MAP3K20: variants seen among roughly 807,000 people sequenced by gnomAD.
MAP3K20 encodes HCCS-4.
In MAP3K20, 40 loss-of-function variants were observed where a neutral mutation model predicts 85.7. That is an observed-to-expected ratio of 0.47 (90% CI 0.36 to 0.61). The LOEUF (loss-of-function observed/expected upper bound fraction) is 0.61, where lower values mean the gene tolerates loss of function less well. Among genes scored for constraint, MAP3K20 ranks in the 20% least tolerant of loss-of-function variants. The probability of loss-of-function intolerance (pLI) is 0.00; values close to 1 mark genes in which losing one functional copy is unlikely to be tolerated. For synonymous variants in MAP3K20, 325 were observed against 327.7 expected, an observed-to-expected ratio of 0.99 and a Z score of 0.09; for missense variants, 817 against 961.7, an observed-to-expected ratio of 0.85 and a Z score of 1.99.
Position 173,198,087 on chromosome 2 carries a change from C to T in MAP3K20, c.644C>T (p.Ala215Val). The change falls in exon 8 of 20, where the codon GCT becomes GTT. Residue 215 changes from alanine to valine, a missense_variant. Physicochemically the swap from Ala to Val is moderately conservative, Grantham distance 64. This residue lies in a region of MAP3K20 where 200 missense variants were observed against 302.7 expected (regional missense o/e 0.66). Transcript: ENST00000375213. This position sits in a 1 kb window ranked among gnomAD's most constrained non-coding sequence, Gnocchi z 5.8. ...PFKGLEGLQV[A>V]WLVVEKNERL... ...AAAGGTTTGGAAGGATTACAAGTAGCTTGGCTTGTAGTGGAAAAAAACGAG... is the reference window on the plus strand; with the variant it reads ...AAAGGTTTGGAAGGATTACAAGTAGTTTGGCTTGTAGTGGAAAAAAACGAG... 6.2e-7 allele frequency: 1 copy of T among 1,613,006 alleles called. No individual in the cohort carries two copies. The highest frequency in any genetic ancestry group is 8.5e-7 in the Non-Finnish European group (1 of 1,179,320).
chr2:173,209,929 C>T, intron 10 of MAP3K20, 94 bp downstream of exon 10: 2 of 1,130,992 alleles, frequency 1.8e-6, no homozygotes, highest in Non-Finnish European at 2.7e-6. Flanking sequence ...AATGACAGTC[C>T]TGATTTCTGA....
rs1212264174 is a variant in MAP3K20 at position 173,075,871 on chromosome 2, G to C, written c.-166G>C. On this transcript the variant is annotated 5_prime_UTR_variant, in exon 1 of 20. Coordinates refer to ENST00000375213, the MANE Select transcript of MAP3K20 (RefSeq NM_016653.3). The stretch of plus-strand genomic sequence containing the variant: ...CTCATTGGCGCCGTGCAGAGAGGCG[G>C]AATGTTCAACTCCTAACTGCAGCGG... The C allele has an allele frequency of 8.7e-5, 86 of 985,124 alleles. No homozygotes were observed. The highest frequency in any genetic ancestry group is 1.2e-4 in the Admixed American group (2 of 16,258). 61.0% of individuals were successfully genotyped at this position (985,124 alleles called of 1,614,324 possible). A position where few individuals can be genotyped will look rare whatever the true frequency, so the allele number is the denominator to read the frequency against.
intron 19 of MAP3K20, among the ~76,000 whole-genome samples, chr2:173,265,224 TAGCTGAGGA>T (rs1474471146): frequency 1.3e-5 from 2 of 151,994 alleles, no homozygotes; most frequent in East Asian, 3.9e-4. Context: ...GGGGGTGGAG[TAGCTGAGGA>T]AGCTGAGGCT....
intron 3 of MAP3K20, among the ~76,000 whole-genome samples, 189 bp downstream of exon 3, chr2:173,170,081 C>T (rs111597343): frequency 3.9e-5 from 6 of 152,304 alleles, no homozygotes; most frequent in African/African-American, 1.2e-4. Context: ...TCCACTTCTA[C>T]CCATGTTTAA....
intron 1 of MAP3K20, among the ~76,000 whole-genome samples, chr2:173,078,950 C>T (rs1300344904): frequency 6.6e-6 from 1 of 152,184 alleles, no homozygotes; most frequent in Non-Finnish European, 1.5e-5. Context: ...ACCCCTGATC[C>T]TCAGTTTTCT....
intron 9 of MAP3K20, 64 bp from the exon 10 acceptor site, chr2:173,209,665 G>T: frequency 7.2e-7 from 1 of 1,395,216 alleles, no homozygotes; most frequent in Non-Finnish European, 9.8e-7. Context: ...TAGTATCTAC[G>T]TTTTCTCTTA....
rs1307293439 is a variant in MAP3K20, at chr2:173,258,786, C to A, written c.1447C>A (p.Pro483Thr). The stretch of plus-strand genomic sequence containing the variant: ...AGATGTGACATTCAACACTAACCTA[C>A]CTGATGCGGAGATTTTAAAGATGAC... The part of the protein sequence containing the change: ...IKDVTFNTNL[P>T]DAEILKMTKP... The change falls in exon 17 of 20, where the codon CCT becomes ACT. Residue 483 changes from proline to threonine, a missense_variant. Pro to Thr is a conservative substitution (Grantham distance 38, BLOSUM62 -1). This residue lies in a region of MAP3K20 where 454 missense variants were observed against 476.9 expected (regional missense o/e 0.95). Coordinates refer to ENST00000375213, the MANE Select transcript of MAP3K20 (RefSeq NM_016653.3). 6.2e-7 allele frequency: 1 copy of A among 1,610,652 alleles called. No homozygotes were observed. Among genetic ancestry groups the A allele is most frequent in the Non-Finnish European group, 8.5e-7 (1 of 1,177,334 alleles).
chr2:173,151,083 C>A (rs1225836561), intron 2 of MAP3K20, among the ~76,000 whole-genome samples: 2 of 152,168 alleles, frequency 1.3e-5, no homozygotes, highest in African/African-American at 4.8e-5. Context: ...GGTTTTCAGA[C>A]TCCAAGGCAA....
At chr2:173,149,019 A>C (rs923077879) in intron 2 of MAP3K20, among the ~76,000 whole-genome samples, 2 of 152,234 alleles carry the variant, frequency 1.3e-5, no homozygotes, top group Non-Finnish European at 2.9e-5. Flanking sequence ...TGGTCATAGA[A>C]GGAATTTTGA....
At chr2:173,227,125 C>A in intron 11 of MAP3K20, 1 of 985,804 alleles carries the variant, frequency 1.0e-6, no homozygotes, top group Non-Finnish European at 1.2e-6. Flanking sequence ...CTCCATTTTG[C>A]AATAAACGTT....
chr2:173,091,892 A>C (rs1353574025), intron 2 of MAP3K20, among the ~76,000 whole-genome samples: 1 of 152,186 alleles, frequency 6.6e-6, no homozygotes, highest in East Asian at 1.9e-4. Flanking sequence ...GAATAAAAGT[A>C]ATTACAGAGC....
chr2:173,133,855 G>T (rs1298852578), intron 2 of MAP3K20, among the ~76,000 whole-genome samples: 1 of 151,794 alleles, frequency 6.6e-6, no homozygotes, highest in Non-Finnish European at 1.5e-5. Flanking sequence ...GCCGGGCATG[G>T]TGGTGGGCAC....
At chr2:173,223,091 C>T (rs1471786507) in intron 11 of MAP3K20, 13 of 985,230 alleles carry the variant, frequency 1.3e-5, no homozygotes, top group African/African-American at 1.2e-4. Context: ...TGAAGCGTGA[C>T]GTGTTTCTAA....
chr2:173,156,464 T>C (rs572823389), intron 2 of MAP3K20, among the ~76,000 whole-genome samples: 1 of 152,196 alleles, frequency 6.6e-6, no homozygotes, highest in East Asian at 1.9e-4. Flanking sequence ...CCCCAACCTT[T>C]TTGGCATCAG....
Position 173,261,064 on chromosome 2 carries a change from C to T in MAP3K20, c.1478C>T (p.Pro493Leu), listed in dbSNP as rs745444600. Reference protein sequence around the residue: ...PDAEILKMTKPPFVMEKWIVG... With the variant: ...PDAEILKMTKLPFVMEKWIVG... ...ACCATCCTAACTTTTGTTTTTCAGC[C>T]ACCATTTGTAATGGAGAAGTGGATT... Residue 493 changes from proline (P) to leucine (L), a missense_variant and splice_region_variant, in exon 18 of 20, where the codon CCA (proline) becomes CTA (leucine). This residue lies in a region of MAP3K20 where 454 missense variants were observed against 476.9 expected (regional missense o/e 0.95). Coordinates refer to ENST00000375213, the MANE Select transcript of MAP3K20 (RefSeq NM_016653.3). 1.4e-5 allele frequency: 23 copies of T among 1,613,268 alleles called. No individual in the cohort carries two copies. The highest frequency in any genetic ancestry group is 2.0e-5 in the Non-Finnish European group (23 of 1,179,408).
At chr2:173,125,520 T>TA (rs397788456) in intron 2 of MAP3K20, among the ~76,000 whole-genome samples, 2 of 152,036 alleles carry the variant, frequency 1.3e-5, no homozygotes, top group African/African-American at 4.8e-5. Context: ...GTTTTTTTTT[T>TA]AAATAAAACT....
intron 2 of MAP3K20, among the ~76,000 whole-genome samples, chr2:173,115,094 T>G (rs865882817): frequency 1.3e-5 from 2 of 152,156 alleles, no homozygotes; most frequent in African/African-American, 4.8e-5. Flanking sequence ...AGAGGGTTTG[T>G]TCATATTTTC....
chr2:173,152,701 A>G (rs1325832562), intron 2 of MAP3K20, among the ~76,000 whole-genome samples: 3 of 152,224 alleles, frequency 2.0e-5, no homozygotes, highest in Non-Finnish European at 4.4e-5. Context: ...AGAAATAAGG[A>G]GATAAAAATC....
chr2:173,097,132 A>G (rs552789407), intron 2 of MAP3K20, among the ~76,000 whole-genome samples: 35 of 152,132 alleles, frequency 2.3e-4, no homozygotes, highest in Non-Finnish European at 4.4e-4. Flanking sequence ...TGTAATCCCA[A>G]CAATTTGGGA....
Sources: allele counts gnomAD v4.1 joint callset (sites outside exome capture counted in the v4.1 genomes callset), GRCh38; gene constraint gnomAD v4.1.1; regional missense constraint gnomAD v4.1.1; non-coding constraint Gnocchi (gnomAD v3.1); transcripts MANE v1.5; gene names NCBI Gene and HGNC (gene_info 2026-07-23, HGNC 2026-07-21).